The following PARP15 variants were observed in gnomAD, a reference collection of about 807,000 sequenced individuals.
PARP15 encodes the protein poly(ADP-ribose) polymerase family member 15.
A neutral mutation model predicts 62.1 loss-of-function variants in PARP15; 50 were observed. The observed-to-expected ratio is 0.81, with a 90% confidence interval of 0.64 to 1.02. The LOEUF (loss-of-function observed/expected upper bound fraction) is 1.02, where lower values mean the gene tolerates loss of function less well. Ranked by LOEUF, PARP15 falls within the 50% of genes least tolerant of loss-of-function variation. The probability of loss-of-function intolerance (pLI) is 0.00; values close to 1 mark genes in which losing one functional copy is unlikely to be tolerated. For missense variants in PARP15, 820 were observed against 826.5 expected, an observed-to-expected ratio of 0.99 and a Z score of 0.10; for synonymous variants, 309 against 293.1, an observed-to-expected ratio of 1.05 and a Z score of -0.55.
Position 122,619,797 on chromosome 3 carries a change from T to C in PARP15, c.1017T>C (p.Ile339=), listed in dbSNP as rs1936224306. The change falls in exon 7 of 12, where the codon ATT becomes ATC. Residue 339 remains isoleucine, a synonymous_variant. Transcript: ENST00000464300. ...CTTATTTAGGTGTGTCAAGAGCTAT[T>C]TTAGAAGGTGCTGGACAAGCTGTGG... ...FNRKSGVSRA[I]LEGAGQAVES... is the part of the protein sequence containing the mutation. 7 of 1,613,310 alleles carry C rather than the reference T, an allele frequency of 4.3e-6. No homozygotes were observed. The East Asian group carries it at 1.6e-4, about 36-fold the overall frequency.
Position 122,638,571 on chromosome 3 carries a change from T to C in PARP15, c.*2471T>C, listed in dbSNP as rs558273784. 737 of 152,364 alleles carry C rather than the reference T, an allele frequency of 4.8e-3. 10 individuals carry two copies. The highest frequency in any genetic ancestry group is 0.017 in the African/African-American group (695 of 41,592). The allele number at this position is 152,364 out of a possible 1,614,324, so 9.4% of individuals were successfully genotyped here. A position where few individuals can be genotyped will look rare whatever the true frequency, so the allele number is the denominator to read the frequency against. On this transcript the variant is annotated 3_prime_UTR_variant, in exon 12 of 12. Transcript: ENST00000464300. ...GCCAGTGATGATGAGCATTTTTTCA[T>C]GTGTTTTTTGGCTGCATAAATGTCT...
At chr3:122,590,358 C>T (rs546788840) in intron 1 of PARP15, among the ~76,000 whole-genome samples, 1 of 151,710 alleles carries the variant, frequency 6.6e-6, no homozygotes, top group Non-Finnish European at 1.5e-5. Context: ...CTGCAAGCTC[C>T]ACCTCTGGGG....
At chr3:122,634,378 G>A (rs1937234522) in intron 10 of PARP15, among the ~76,000 whole-genome samples, 1 of 152,194 alleles carries the variant, frequency 6.6e-6, no homozygotes, top group Non-Finnish European at 1.5e-5. Context: ...TCATAGAGAT[G>A]TTCAGTAGGT....
At chr3:122,599,037 A>T (rs1176143338) in intron 1 of PARP15, among the ~76,000 whole-genome samples, 1 of 152,174 alleles carries the variant, frequency 6.6e-6, no homozygotes, top group Non-Finnish European at 1.5e-5. Flanking sequence ...CTGGGACTTC[A>T]GGTGTGCGCC....
intron 1 of PARP15, chr3:122,594,710 A>C: frequency 1.1e-6 from 1 of 948,540 alleles, no homozygotes; most frequent in East Asian, 1.2e-4. Context: ...AATATGAAAT[A>C]AAATTACAAT....
rs550044354 is a variant in PARP15 at position 122,624,904 on chromosome 3, C to T, written c.1232-1923C>T. 3.4e-4 allele frequency among the ~76,000 whole-genome samples: 52 copies of T among 152,068 alleles called. 2 individuals are homozygous for T. Among genetic ancestry groups the T allele is most frequent in the African/African-American group, 1.2e-3 (50 of 41,458 alleles). On this transcript the variant is annotated intron_variant, in intron 8 of 11. Transcript: ENST00000464300. Reference sequence around the variant, plus strand: ...CTGGATCCATCCTATACTCTGTGTCCCCATTTTGTAGATGAGGAACTTGAG... The same window carrying T: ...CTGGATCCATCCTATACTCTGTGTCTCCATTTTGTAGATGAGGAACTTGAG...
intron 4 of PARP15, chr3:122,615,336 TAATC>T: frequency 7.7e-7 from 1 of 1,291,676 alleles, no homozygotes; most frequent in Non-Finnish European, 1.0e-6. Flanking sequence ...TATTTGTTGT[TAATC>T]AACCCCAGAA....
Position 122,632,123 on chromosome 3 carries a change from G to A in PARP15, c.1476G>A (p.Gln492=). 1 of 1,614,040 alleles carries A rather than the reference G, an allele frequency of 6.2e-7. No homozygotes were observed. Among genetic ancestry groups the A allele is most frequent in the Non-Finnish European group, 8.5e-7 (1 of 1,179,962 alleles). Residue 492 remains glutamine (Q), a synonymous_variant, in exon 10 of 12, where the codon CAG becomes CAA. Coordinates refer to ENST00000464300, the MANE Select transcript of PARP15 (RefSeq NM_001113523.3). ...LPEHWTDMNH[Q]LFCMVQLEPG... Reference sequence around the variant, plus strand: ...AACACTGGACTGACATGAATCATCAGCTGTTTTGCATGGTCCAGCTAGAGC... The same window carrying A: ...AACACTGGACTGACATGAATCATCAACTGTTTTGCATGGTCCAGCTAGAGC...
rs1462072052 is a variant in PARP15, at chr3:122,621,461, G to T, written c.1081G>T (p.Asp361Tyr). The T allele has an allele frequency of 6.2e-7, 1 of 1,611,802 alleles. No homozygotes were observed. Among genetic ancestry groups the T allele is most frequent in the East Asian group, 2.2e-5 (1 of 44,860 alleles). Residue 361 changes from aspartate to tyrosine, a missense_variant, in exon 8 of 12, where the codon GAT becomes TAT. Around this residue, in one of 3 missense-constraint regions of PARP15, gnomAD observed 731 missense variants for 727.7 expected, o/e 1.00. Coordinates refer to ENST00000464300, the MANE Select transcript of PARP15 (RefSeq NM_001113523.3). ...TTTTTCAGCTGCACAGCCTCACAGA[G>T]ATTTTATAATTACACCAGGTGGATG... ...CAVLAAQPHR[D>Y]FIITPGGCLK...
rs74321854 is a variant in PARP15, at chr3:122,600,617, T to A, written c.187-5319T>A. Reference sequence around the variant, plus strand: ...TTGCATCCTTTCAGGGCATCGGTTTTTCTATTCTGCACATACCTAGTTTTC... The same window carrying A: ...TTGCATCCTTTCAGGGCATCGGTTTATCTATTCTGCACATACCTAGTTTTC... On this transcript the variant is annotated intron_variant, in intron 1 of 11. Transcript: ENST00000464300. Among the ~76,000 whole-genome samples the A allele has an allele frequency of 3.6e-4, 55 of 152,254 alleles. No homozygotes were observed. In the East Asian group the frequency reaches 9.3e-3, roughly 26 times the overall value.
chr3:122,626,194 C>CTT (rs1431179194), intron 8 of PARP15, among the ~76,000 whole-genome samples: 2 of 130,470 alleles, frequency 1.5e-5, no homozygotes, highest in South Asian at 4.8e-4. Flanking sequence ...GCAGCTGTCA[C>CTT]TCTTTTTTTT....
intron 1 of PARP15, among the ~76,000 whole-genome samples, chr3:122,597,431 T>C (rs1042658252): frequency 1.1e-4 from 16 of 152,106 alleles, no homozygotes; most frequent in African/African-American, 3.6e-4. Flanking sequence ...TACATATGTA[T>C]ACATGTGCCA....
intron 8 of PARP15, 92 bp downstream of exon 8, chr3:122,621,703 C>T (rs1475315782): frequency 8.6e-7 from 1 of 1,168,202 alleles, no homozygotes. Flanking sequence ...CTGAATCCAT[C>T]TGAAAGTGGG....
intron 3 of PARP15, among the ~76,000 whole-genome samples, chr3:122,611,624 C>A (rs991213834): frequency 1.3e-5 from 2 of 152,208 alleles, no homozygotes; most frequent in Non-Finnish European, 2.9e-5. Context: ...CAGGCATGAG[C>A]TACTGTGCCT....
rs577830729 is a variant in PARP15 at position 122,577,900 on chromosome 3, G to T, written c.186+47G>T. 18 of 1,478,790 alleles carry T rather than the reference G, an allele frequency of 1.2e-5. No homozygotes were observed. In the South Asian group the frequency reaches 2.5e-4, roughly 20 times the overall value. 91.6% of individuals were successfully genotyped at this position (1,478,790 alleles called of 1,614,324 possible). A position where few individuals can be genotyped will look rare whatever the true frequency, so the allele number is the denominator to read the frequency against. On this transcript the variant is annotated intron_variant, in intron 1 of 11. Coordinates refer to ENST00000464300, the MANE Select transcript of PARP15 (RefSeq NM_001113523.3). ...TGCGGGAAGGGGACAGCAGGGCTGA[G>T]CCTGGGGCCCGCAAGACCCAGCAGC...
At chr3:122,605,905 T>C in intron 1 of PARP15, 31 bp from the exon 2 acceptor site, 1 of 1,546,214 alleles carries the variant, frequency 6.5e-7, no homozygotes, top group Non-Finnish European at 8.7e-7. Context: ...AAATTGGCAT[T>C]GCTGGTAATG....
chr3:122,594,427 C>A, intron 1 of PARP15: 1 of 451,890 alleles, frequency 2.2e-6, no homozygotes, highest in African/African-American at 2.1e-5. Flanking sequence ...ACAATTATTA[C>A]TATTATCATA....
At position 122,638,427 on chromosome 3, in the gene PARP15, GT is replaced by G. The variant is rs1306449568; in HGVS notation, c.*2328del. On this transcript the variant is annotated 3_prime_UTR_variant, in exon 12 of 12. Coordinates refer to ENST00000464300, the MANE Select transcript of PARP15 (RefSeq NM_001113523.3). ...TTACAGTCCCACCAACAGTGTAAAA[GT>G]GTTCCTATTTCTCCACATCCTCTCC... 1 of 152,174 alleles carries G rather than the reference GT, an allele frequency of 6.6e-6. No individual in the cohort carries two copies. The highest frequency in any genetic ancestry group is 1.5e-5 in the Non-Finnish European group (1 of 68,022). The allele number at this position is 152,174 out of a possible 1,614,324, so 9.4% of individuals were successfully genotyped here.
intron 2 of PARP15, among the ~76,000 whole-genome samples, chr3:122,607,908 C>A (rs1308392805): frequency 1.3e-5 from 2 of 152,216 alleles, no homozygotes; most frequent in Non-Finnish European, 2.9e-5. Context: ...CCACTCCCAA[C>A]CTCCAATCAC....
Sources: allele counts gnomAD v4.1 joint callset (sites outside exome capture counted in the v4.1 genomes callset), GRCh38; gene constraint gnomAD v4.1.1; regional missense constraint gnomAD v4.1.1; transcripts MANE v1.5; gene names NCBI Gene and HGNC (gene_info 2026-07-23, HGNC 2026-07-21).